The following GREB1L variants were observed in gnomAD, a reference collection of about 807,000 sequenced individuals.
GREB1L encodes GREB1 like retinoic acid receptor coactivator.
A neutral mutation model predicts 200.8 loss-of-function variants in GREB1L; 17 were observed. The observed-to-expected ratio is 0.08, with a 90% CI of 0.06 to 0.13. The LOEUF (loss-of-function observed/expected upper bound fraction) is 0.13, where lower values mean the gene tolerates loss of function less well. Ranked by LOEUF, GREB1L falls within the 10% of genes least tolerant of loss-of-function variation. The pLI is 1.00. For missense variants in GREB1L, 1,657 were observed against 2,367.7 expected (o/e 0.70, Z 6.23); for synonymous variants, 789 against 893.0 (o/e 0.88, Z 2.08).
At chr18:21,307,605 T>C (rs1211959697) in intron 1 of GREB1L, among the ~76,000 whole-genome samples, 10 of 152,160 alleles carry the variant, frequency 6.6e-5, no homozygotes, top group Non-Finnish European at 1.0e-4. Context: ...GTGTTGAAGA[T>C]ATCTTCCTTT....
intron 19 of GREB1L, among the ~76,000 whole-genome samples, chr18:21,495,440 C>T (rs1324069442): frequency 6.6e-6 from 1 of 152,142 alleles, no homozygotes; most frequent in Non-Finnish European, 1.5e-5. Context: ...CTGAGGTATA[C>T]CAGCATCTCC....
In GREB1L at chr18:21,524,269, G is replaced by A. The variant is rs892277824; in HGVS notation, c.*1448G>A. On this transcript the variant is annotated 3_prime_UTR_variant, in exon 33 of 33. Coordinates refer to ENST00000424526, the MANE Select transcript of GREB1L (RefSeq NM_001142966.3). ...AGCTTTATTATCTTATGACAACAAG[G>A]AGTTTACAAAGCTAGTGAAAAAATG... 1 of 152,080 alleles carries A rather than the reference G, an allele frequency of 6.6e-6. No homozygotes were observed. The highest frequency in any genetic ancestry group is 6.6e-5 in the Admixed American group (1 of 15,258). The allele number at this position is 152,080 out of a possible 1,614,324, so 9.4% of individuals were successfully genotyped here.
intron 1 of GREB1L, among the ~76,000 whole-genome samples, chr18:21,277,114 G>C (rs1297503078): frequency 1.3e-5 from 2 of 151,988 alleles, no homozygotes; most frequent in African/African-American, 2.4e-5. Context: ...ATTTTTAGTA[G>C]AGACGGGGTT....
At position 21,454,529 on chromosome 18, in the gene GREB1L, G is replaced by T; in HGVS notation, c.2148G>T (p.Leu716Phe). Residue 716 changes from leucine (L) to phenylalanine (F), a missense_variant, in exon 15 of 33, where the codon TTG becomes TTT. Transcript: ENST00000424526. The stretch of plus-strand genomic sequence containing the variant: ...TCATTGTTCCCAGATCGGAGGTGTT[G>T]GTTCAGCAAACTCTTCAGCGGATTC... ...FIIIVPRSEVLVQQTLQRIRQ... is the reference protein window; with the variant it reads ...FIIIVPRSEVFVQQTLQRIRQ... 6.4e-7 allele frequency: 1 copy of T among 1,551,580 alleles called. No homozygotes were observed. Among genetic ancestry groups the T allele is most frequent in the Non-Finnish European group, 8.7e-7 (1 of 1,146,944 alleles).
chr18:21,510,231 G>C (rs76225509), intron 27 of GREB1L, among the ~76,000 whole-genome samples: 1 of 147,480 alleles, frequency 6.8e-6, no homozygotes, highest in Non-Finnish European at 1.5e-5. Flanking sequence ...AAAAAAAAAA[G>C]TACTGCTTTA....
chr18:21,299,499 TCTC>T (rs2038584181), intron 1 of GREB1L, among the ~76,000 whole-genome samples: 1 of 151,848 alleles, frequency 6.6e-6, no homozygotes, highest in African/African-American at 2.4e-5. Flanking sequence ...TAGTTGCTTT[TCTC>T]CTCCTACCAT....
intron 14 of GREB1L, among the ~76,000 whole-genome samples, chr18:21,452,767 G>A (rs1466590903): frequency 3.3e-5 from 5 of 152,164 alleles, no homozygotes. Flanking sequence ...ATTCATTTGG[G>A]TTCAGATTTC....
At chr18:21,384,081 TG>T (rs1262183118) in intron 3 of GREB1L, 124 bp from the exon 4 acceptor site, 1 of 716,342 alleles carries the variant, frequency 1.4e-6, no homozygotes, top group Non-Finnish European at 2.3e-6. Flanking sequence ...TTGGGACCTC[TG>T]AGATAAATTG....
chr18:21,469,515 A>G (rs1045288757), intron 15 of GREB1L, among the ~76,000 whole-genome samples: 2 of 152,128 alleles, frequency 1.3e-5, no homozygotes, highest in Non-Finnish European at 2.9e-5. Context: ...ACTGGGATTA[A>G]CCTTTTTTCC....
At chr18:21,432,584 T>A (rs185602321) in intron 7 of GREB1L, among the ~76,000 whole-genome samples, 17 of 152,176 alleles carry the variant, frequency 1.1e-4, no homozygotes, top group South Asian at 8.3e-4. Context: ...ATTGGCATCT[T>A]TTTGACATTG....
In GREB1L at chr18:21,366,032, CA is replaced by C; in HGVS notation, c.-109del. 6.6e-6 allele frequency: 1 copy of C among 152,030 alleles called. No homozygotes were observed. The highest frequency in any genetic ancestry group is 2.1e-4 in the South Asian group (1 of 4,814). The allele number at this position is 152,030 out of a possible 1,614,324, so 9.4% of individuals were successfully genotyped here. A position where few individuals can be genotyped will look rare whatever the true frequency, so the allele number is the denominator to read the frequency against. On this transcript the variant is annotated 5_prime_UTR_variant, in exon 2 of 33. Coordinates refer to ENST00000424526, the MANE Select transcript of GREB1L (RefSeq NM_001142966.3). ...TATTTTTTATGTTTTTGCAGGTGCA[CA>C]AAAAGCTTTAAACAAGTTAAAATCT...
At chr18:21,309,573 TCTA>T (rs1305195585) in intron 1 of GREB1L, among the ~76,000 whole-genome samples, 1 of 152,102 alleles carries the variant, frequency 6.6e-6, no homozygotes, top group African/African-American at 2.4e-5. Flanking sequence ...CAGAAGAAAA[TCTA>T]CTACTGCACC....
intron 5 of GREB1L, among the ~76,000 whole-genome samples, chr18:21,397,312 G>GAAACCCCGTCTCTACTAAAAA (rs1370758234): frequency 3.0e-4 from 45 of 151,324 alleles, no homozygotes; most frequent in African/African-American, 1.0e-3. Flanking sequence ...CTAACATGGT[G>GAAACCCCGTCTCTACTAAAAA]AAACCCCGTC....
rs374483261 is a variant in GREB1L, at chr18:21,454,400, G to T, written c.2019G>T (p.Pro673=). Residue 673 remains proline, a synonymous_variant, in exon 15 of 33, where the codon CCG becomes CCT. Coordinates refer to ENST00000424526, the MANE Select transcript of GREB1L (RefSeq NM_001142966.3). The part of the protein sequence containing the change: ...LDNETFHIYQ[P]QLTVARKLLS... ...ATGAAACCTTCCACATTTATCAACC[G>T]CAGCTAACAGTTGCCAGAAAACTCT... 8.8e-5 allele frequency: 137 copies of T among 1,551,414 alleles called. No homozygotes were observed. The highest frequency in any genetic ancestry group is 1.1e-4 in the Non-Finnish European group (130 of 1,146,770).
rs534903023 is a variant in GREB1L, at chr18:21,448,119, G to A, written c.1394-1391G>A. ...GGAGGTTGCAGTGAGCCGAGATCGC[G>A]CCACTGCACTCCAGCCTGGATGACA... On this transcript the variant is annotated intron_variant, in intron 11 of 32. Coordinates refer to ENST00000424526, the MANE Select transcript of GREB1L (RefSeq NM_001142966.3). Among the ~76,000 whole-genome samples, 12 of 147,812 alleles carry A rather than the reference G, an allele frequency of 8.1e-5. No individual in the cohort carries two copies. The East Asian group carries it at 1.2e-3, about 15-fold the overall frequency.
At position 21,515,422 on chromosome 18, in the gene GREB1L, C is replaced by T. The variant is rs1395456376; in HGVS notation, c.4907C>T (p.Pro1636Leu). Residue 1636 changes from proline (P) to leucine (L), a missense_variant, in exon 29 of 33, where the codon CCC (proline) becomes CTC (leucine). This residue lies in a region of GREB1L where 151 missense variants were observed against 309.6 expected (regional missense o/e 0.49). Transcript: ENST00000424526. ...ATATAAACTATATTTCATAGCCAGC[C>T]CATGGAAGTAGGAGTTTCCAGTAAG... ...IHSVQEPSSQ[P>L]MEVGVSSKNV... The T allele has an allele frequency of 6.5e-7, 1 of 1,545,270 alleles. No homozygotes were observed.
At chr18:21,407,873 A>G (rs2030457204) in intron 7 of GREB1L, among the ~76,000 whole-genome samples, 1 of 152,180 alleles carries the variant, frequency 6.6e-6, no homozygotes, top group South Asian at 2.1e-4. Context: ...GCACAGAACA[A>G]CACACATCAC....
chr18:21,330,297 T>C (rs2039089069), intron 1 of GREB1L, among the ~76,000 whole-genome samples: 1 of 152,136 alleles, frequency 6.6e-6, no homozygotes, highest in Non-Finnish European at 1.5e-5. Flanking sequence ...TTTCACAGGG[T>C]GCGTCCAGAA....
chr18:21,416,307 G>A (rs2031624887), intron 7 of GREB1L, among the ~76,000 whole-genome samples: 1 of 152,130 alleles, frequency 6.6e-6, no homozygotes, highest in African/African-American at 2.4e-5. Context: ...ACTACAAGCA[G>A]CCTAATATAC....
Sources: gnomAD v4.1 joint callset for allele counts (sites outside exome capture counted in the v4.1 genomes callset) on GRCh38, gnomAD v4.1.1 for gene constraint, gnomAD v4.1.1 regional missense constraint, MANE v1.5 for transcripts, NCBI Gene and HGNC (gene_info 2026-07-23, HGNC 2026-07-21) for gene names.